Variants in KCNN3 observed in about 807,000 individuals in gnomAD.
KCNN3 encodes the protein potassium calcium-activated channel subfamily N member 3.
In KCNN3, 16 loss-of-function variants were observed where a neutral mutation model predicts 62.9. The observed-to-expected ratio is 0.25, with a 90% CI of 0.17 to 0.39. The LOEUF is 0.39. Among genes scored for constraint, KCNN3 ranks in the 10% least tolerant of loss-of-function variants. The pLI, the probability that KCNN3 is intolerant of heterozygous loss-of-function variation, is 1.00. For missense variants in KCNN3, 599 were observed against 949.4 expected (o/e 0.63, Z 4.85); for synonymous variants, 370 against 389.2 (o/e 0.95, Z 0.58).
rs1214896729 is a variant in KCNN3 at position 154,870,205 on chromosome 1, G to T, written c.-241C>A. 1.5e-6 allele frequency: 1 copy of T among 686,384 alleles called. No individual in the cohort carries two copies. Among genetic ancestry groups the T allele is most frequent in the South Asian group, 1.5e-5 (1 of 66,650 alleles). 42.5% of individuals were successfully genotyped at this position (686,384 alleles called of 1,614,324 possible). The stretch of plus-strand genomic sequence containing the variant: ...GGGGAGCTTGGAGAAAGAAGAGGGG[G>T]TGAAAGAACTCTCTCAGGAGGTGGT... On this transcript the variant is annotated 5_prime_UTR_variant, in exon 1 of 8. Coordinates refer to ENST00000271915, the MANE Select transcript of KCNN3 (RefSeq NM_002249.6).
intron 1 of KCNN3, among the ~76,000 whole-genome samples, chr1:154,826,803 A>G (rs1015084641): frequency 1.3e-5 from 2 of 152,246 alleles, no homozygotes; most frequent in African/African-American, 4.8e-5. Flanking sequence ...GAAGTTCTAA[A>G]TGTATTTTAT....
At chr1:154,761,839 C>A (rs1383711975) in intron 3 of KCNN3, among the ~76,000 whole-genome samples, 6 of 151,494 alleles carry the variant, frequency 4.0e-5, no homozygotes, top group African/African-American at 1.5e-4. Flanking sequence ...ACTCGGGAGG[C>A]TGAGGCAAGA....
Position 154,699,280 on chromosome 1 carries a change from A to C in KCNN3, c.*8696T>G, listed in dbSNP as rs1699803875. Reference sequence around the variant, plus strand: ...TTCCGAATAGAACCTCTCTATGTAAAGGTCTCACTAAACAAATAAACATAG... The same window carrying C: ...TTCCGAATAGAACCTCTCTATGTAACGGTCTCACTAAACAAATAAACATAG... On this transcript the variant is annotated 3_prime_UTR_variant, in exon 8 of 8. Coordinates refer to ENST00000271915, the MANE Select transcript of KCNN3 (RefSeq NM_002249.6). The C allele has an allele frequency of 1.3e-5, 2 of 152,048 alleles. No homozygotes were observed. The highest frequency in any genetic ancestry group is 4.1e-4 in the South Asian group (2 of 4,830). 9.4% of individuals were successfully genotyped at this position (152,048 alleles called of 1,614,324 possible).
intron 2 of KCNN3, among the ~76,000 whole-genome samples, chr1:154,803,356 G>A (rs1338008397): frequency 6.6e-6 from 1 of 152,236 alleles, no homozygotes; most frequent in Non-Finnish European, 1.5e-5. Flanking sequence ...GCAGTATGGA[G>A]CAGGTTGCTC....
intron 2 of KCNN3, among the ~76,000 whole-genome samples, chr1:154,814,504 C>A (rs144141118): frequency 1.9e-3 from 290 of 152,330 alleles, no homozygotes; most frequent in African/African-American, 6.7e-3. Flanking sequence ...CTAGAAGGGG[C>A]ACCCTGGGGT....
rs771611731 is a variant in KCNN3 at position 154,733,745 on chromosome 1, G to A, written c.1449-601C>T. Among the ~76,000 whole-genome samples the A allele has an allele frequency of 1.3e-3, 202 of 152,036 alleles. 1 individual carries two copies. The highest frequency in any genetic ancestry group is 2.5e-3 in the Admixed American group (38 of 15,282). ...TCAGACAGGGGCTTGTAGCTGCCCC[G>A]CCCTGGGAGGAACCAACTGGAAACA... On this transcript the variant is annotated intron_variant, in intron 3 of 7. Transcript: ENST00000271915.
Position 154,869,327 on chromosome 1 carries a change from G to C in KCNN3, c.638C>G (p.Pro213Arg). The C allele has an allele frequency of 6.2e-7, 1 of 1,613,768 alleles. No individual in the cohort carries two copies. Among genetic ancestry groups the C allele is most frequent in the Non-Finnish European group, 8.5e-7 (1 of 1,179,698 alleles). ...TEGQPLQLFS[P>R]SNPPEIVISS... The stretch of plus-strand genomic sequence containing the variant: ...GATGACGATCTCCGGGGGGTTGCTA[G>C]GGCTGAAAAGCTGGAGGGGTTGGCC... Residue 213 changes from proline to arginine, a missense_variant, in exon 1 of 8, where the codon CCT becomes CGT. Physicochemically the swap from Pro to Arg is moderately radical, Grantham distance 103 (BLOSUM62 -2). Coordinates refer to ENST00000271915, the MANE Select transcript of KCNN3 (RefSeq NM_002249.6). This position sits in a 1 kb window ranked among gnomAD's most constrained non-coding sequence, Gnocchi z 6.1.
At chr1:154,844,468 C>T (rs774719102) in intron 1 of KCNN3, among the ~76,000 whole-genome samples, 1 of 152,198 alleles carries the variant, frequency 6.6e-6, no homozygotes, top group Non-Finnish European at 1.5e-5. Context: ...GGCATCGCGC[C>T]GGTCACACAT....
chr1:154,746,987 T>C (rs1700951750), intron 3 of KCNN3, among the ~76,000 whole-genome samples: 1 of 152,080 alleles, frequency 6.6e-6, no homozygotes, highest in African/African-American at 2.4e-5. Context: ...GATCCCCAAC[T>C]CTGCTCATTA....
Position 154,708,127 on chromosome 1 carries a change from C to T in KCNN3, c.2045G>A (p.Arg682His), listed in dbSNP as rs1167358894. 4.3e-6 allele frequency: 7 copies of T among 1,613,748 alleles called. No individual in the cohort carries two copies. The highest frequency in any genetic ancestry group is 5.9e-6 in the Non-Finnish European group (7 of 1,180,016). Residue 682 changes from arginine (R) to histidine (H), a missense_variant, in exon 8 of 8, where the codon CGC becomes CAC. By Grantham distance (29) the Arg-to-His change is conservative (BLOSUM62 0). Transcript: ENST00000271915. Reference protein sequence around the residue: ...SLPLLIADTLRQQQQQLLSAI... With the variant: ...SLPLLIADTLHQQQQQLLSAI... ...AGACAGGAGCTGCTGCTGCTGCTGG[C>T]GCAGGGTGTCGGCGATGAGCAGCGG...
intron 1 of KCNN3, chr1:154,867,944 C>A (rs1653016863): frequency 1.0e-6 from 1 of 985,036 alleles, no homozygotes; most frequent in Non-Finnish European, 1.2e-6. Context: ...TCGGCAGAAA[C>A]CCACCTTCCT....
intron 5 of KCNN3, among the ~76,000 whole-genome samples, chr1:154,718,212 G>T (rs1346940672): frequency 6.6e-6 from 1 of 152,188 alleles, no homozygotes; most frequent in Non-Finnish European, 1.5e-5. Flanking sequence ...AAGTCCAGCT[G>T]TCCTGCCTCC....
chr1:154,737,651 C>G (rs1021021602), intron 3 of KCNN3, among the ~76,000 whole-genome samples: 1 of 151,878 alleles, frequency 6.6e-6, no homozygotes, highest in African/African-American at 2.4e-5. Flanking sequence ...AGATACTGGA[C>G]CCACGAGACA....
In KCNN3 at chr1:154,786,256, AT is replaced by A. The variant is rs1365407712; in HGVS notation, c.1030-13864del. Reference sequence around the variant, plus strand: ...TATATCAATGTGACTGTAAAGAAATATTTTAATTGTTCACCATTTTTATAAT... The same window carrying A: ...TATATCAATGTGACTGTAAAGAAATATTTAATTGTTCACCATTTTTATAAT... On this transcript the variant is annotated intron_variant, in intron 2 of 7. Coordinates refer to ENST00000271915, the MANE Select transcript of KCNN3 (RefSeq NM_002249.6). 1.2e-4 allele frequency among the ~76,000 whole-genome samples: 18 copies of A among 152,246 alleles called. No homozygotes were observed. In the East Asian group the frequency reaches 3.5e-3, roughly 29 times the overall value.
intron 3 of KCNN3, among the ~76,000 whole-genome samples, chr1:154,766,113 G>A (rs934625256): frequency 1.3e-4 from 19 of 151,514 alleles, no homozygotes; most frequent in Admixed American, 2.0e-4. Context: ...CTATCTCTCC[G>A]CCTGGCACCA....
At chr1:154,766,386 T>C (rs1433648958) in intron 3 of KCNN3, among the ~76,000 whole-genome samples, 1 of 128,310 alleles carries the variant, frequency 7.8e-6, no homozygotes, top group Admixed American at 8.3e-5. Flanking sequence ...TGTATTGCTC[T>C]CTATCCATTT....
chr1:154,801,248 G>A (rs771283144), intron 2 of KCNN3, among the ~76,000 whole-genome samples: 6 of 152,144 alleles, frequency 3.9e-5, no homozygotes, highest in Non-Finnish European at 7.4e-5. Flanking sequence ...CGGCAAAGTA[G>A]AAGAAGGCCG....
intron 1 of KCNN3, among the ~76,000 whole-genome samples, chr1:154,855,771 A>G (rs577400546): frequency 1.2e-4 from 18 of 152,354 alleles, no homozygotes; most frequent in African/African-American, 4.1e-4. Context: ...AACTTTGTCA[A>G]ATGAATGAAA....
At chr1:154,806,513 C>T (rs1650179435) in intron 2 of KCNN3, among the ~76,000 whole-genome samples, 1 of 152,152 alleles carries the variant, frequency 6.6e-6, no homozygotes, top group Admixed American at 6.5e-5. Context: ...CCGAGGTCAC[C>T]CATTAGACGG....
Sources: gnomAD v4.1 joint callset for allele counts (sites outside exome capture counted in the v4.1 genomes callset) on GRCh38, gnomAD v4.1.1 for gene constraint, Gnocchi (gnomAD v3.1) non-coding constraint, MANE v1.5 for transcripts, NCBI Gene and HGNC (gene_info 2026-07-23, HGNC 2026-07-21) for gene names.